Variants in BSDC1 observed in about 807,000 individuals in gnomAD.
The protein encoded by BSDC1 is BSD domain-containing protein 1.
In BSDC1, 29 loss-of-function variants were observed where a neutral mutation model predicts 56.0. The ratio of observed to expected loss-of-function variants is 0.52; its 90% CI spans 0.39 to 0.71. The LOEUF (loss-of-function observed/expected upper bound fraction) is 0.71. Ranked by LOEUF, BSDC1 falls within the 30% of genes least tolerant of loss-of-function variation. BSDC1 has a pLI of 0.00. For missense variants in BSDC1, 477 were observed against 548.5 expected (o/e 0.87, Z 1.30); for synonymous variants, 210 against 215.3 (o/e 0.98, Z 0.21).
chr1:32,367,250 C>T (rs1044826745), intron 10 of BSDC1: 3 of 985,344 alleles, frequency 3.0e-6, no homozygotes, highest in Admixed American at 6.1e-5. Flanking sequence ...TACTCTTGGC[C>T]TGCTGTCGGC....
intron 9 of BSDC1, among the ~76,000 whole-genome samples, chr1:32,372,946 C>T (rs1463525743): frequency 6.6e-6 from 1 of 152,206 alleles, no homozygotes; most frequent in Non-Finnish European, 1.5e-5. Context: ...AGAAAGAAGT[C>T]CAGTCTCTCA....
At chr1:32,370,803 CAAAAAAAAAAAAAAAAAA>C (rs58351365) in intron 9 of BSDC1, among the ~76,000 whole-genome samples, 1 of 50,124 alleles carries the variant, frequency 2.0e-5, no homozygotes, top group Non-Finnish European at 3.7e-5. Context: ...GACTCCGTCT[CAAAAAAAAAAAAAAAAAA>C]AAAAAAAAAA....
chr1:32,368,700 C>CTTTGTT, intron 9 of BSDC1, 150 bp from the exon 10 acceptor site: 1 of 960,082 alleles, frequency 1.0e-6, no homozygotes, highest in African/African-American at 1.7e-5. Flanking sequence ...ACCAATCGTA[C>CTTTGTT]TTTTTTTTTT....
intron 2 of BSDC1, among the ~76,000 whole-genome samples, chr1:32,388,063 C>T (rs1230152507): frequency 6.6e-6 from 1 of 152,216 alleles, no homozygotes; most frequent in African/African-American, 2.4e-5. Context: ...CTAGGTCTTG[C>T]CCTGTCTTGC....
Position 32,378,750 on chromosome 1 carries a change from A to G in BSDC1, c.502T>C (p.Ser168Pro). The part of the protein sequence containing the change: ...EISELLVGSP[S>P]IRALYTKMVP... ...ATCTTGGTGTAGAGGGCCCGGATGG[A>G]GGGGCTGCCTACAAGGAGCTCTGAG... Residue 168 changes from serine to proline, a missense_variant, in exon 6 of 11, where the codon TCC (serine) becomes CCC (proline). Coordinates refer to ENST00000455895, the MANE Select transcript of BSDC1 (RefSeq NM_018045.8). The surrounding 1 kb of genome is among the most constrained non-coding windows in gnomAD (Gnocchi z 5.2). 6.5e-7 allele frequency: 1 copy of G among 1,534,426 alleles called. No homozygotes were observed. Among genetic ancestry groups the G allele is most frequent in the Non-Finnish European group, 8.8e-7 (1 of 1,138,906 alleles).
At chr1:32,388,591 T>C (rs1329012859) in intron 2 of BSDC1, among the ~76,000 whole-genome samples, 1 of 152,192 alleles carries the variant, frequency 6.6e-6, no homozygotes, top group Non-Finnish European at 1.5e-5. Flanking sequence ...TCTTTAAGTT[T>C]ACACACTATC....
chr1:32,367,804 T>A, intron 10 of BSDC1: 1 of 896,352 alleles, frequency 1.1e-6, no homozygotes, highest in Non-Finnish European at 1.3e-6. Flanking sequence ...TCTCAGGCAA[T>A]AGCCCTAAGG....
At chr1:32,386,960 G>T in intron 2 of BSDC1, 65 bp from the exon 3 acceptor site, 2 of 1,302,766 alleles carry the variant, frequency 1.5e-6, no homozygotes, top group Non-Finnish European at 2.2e-6. Context: ...CCTGTTCCCT[G>T]TGTTTCTTCA....
chr1:32,377,896 TCA>T, intron 8 of BSDC1, 72 bp downstream of exon 8: 1 of 1,436,504 alleles, frequency 7.0e-7, no homozygotes, highest in Non-Finnish European at 9.5e-7. Context: ...TCTCCAGGCT[TCA>T]GAGAGCATGG....
At chr1:32,379,790 G>A (rs1183248733) in intron 5 of BSDC1, among the ~76,000 whole-genome samples, 1 of 152,146 alleles carries the variant, frequency 6.6e-6, no homozygotes, top group Non-Finnish European at 1.5e-5. Flanking sequence ...TCCTCTTCAT[G>A]CCAACTGACT....
chr1:32,386,967 T>C, intron 2 of BSDC1, 72 bp from the exon 3 acceptor site: 1 of 1,192,526 alleles, frequency 8.4e-7, no homozygotes. Context: ...CCTGTGTTTC[T>C]TCAGTACCAG....
At chr1:32,379,540 G>T (rs1642412595) in intron 5 of BSDC1, among the ~76,000 whole-genome samples, 1 of 152,036 alleles carries the variant, frequency 6.6e-6, no homozygotes, top group Non-Finnish European at 1.5e-5. Flanking sequence ...CAACCTGGGG[G>T]CCATCCTATC....
At chr1:32,387,269 G>A (rs1383244943) in intron 2 of BSDC1, among the ~76,000 whole-genome samples, 3 of 152,006 alleles carry the variant, frequency 2.0e-5, no homozygotes, top group Non-Finnish European at 4.4e-5. Context: ...TGACTTTGAT[G>A]AATTGCTTTG....
intron 9 of BSDC1, among the ~76,000 whole-genome samples, chr1:32,373,083 GC>G (rs952389082): frequency 2.0e-5 from 3 of 152,208 alleles, no homozygotes; most frequent in Non-Finnish European, 2.9e-5. Flanking sequence ...CAGAGACCAA[GC>G]CTTATGTCAC....
Position 32,381,234 on chromosome 1 carries a change from G to A in BSDC1, c.392C>T (p.Thr131Ile). The A allele has an allele frequency of 6.2e-7, 1 of 1,613,806 alleles. No individual in the cohort carries two copies. The change falls in exon 5 of 11, where the codon ACC becomes ATC. Residue 131 changes from threonine (T) to isoleucine (I), a missense_variant. By Grantham distance (89) the Thr-to-Ile change is moderately conservative (BLOSUM62 -1). Transcript: ENST00000455895. ...RLYSLQSDPA[T>I]YCNEPDGPPE... ...CTCACCATCTGGTTCATTACAGTAG[G>A]TTGCTGGGTCCGACTGCAGGCTATA...
intron 5 of BSDC1, among the ~76,000 whole-genome samples, chr1:32,380,577 C>T (rs1474695236): frequency 2.0e-5 from 3 of 152,174 alleles, no homozygotes; most frequent in South Asian, 4.2e-4. Context: ...ACCCGGGAGG[C>T]GGAGGTTGCA....
At chr1:32,384,213 G>A (rs1036475784) in intron 3 of BSDC1, among the ~76,000 whole-genome samples, 3 of 152,186 alleles carry the variant, frequency 2.0e-5, no homozygotes, top group South Asian at 2.1e-4. Flanking sequence ...GTAGGCCTGT[G>A]TAGATCAGAG....
At position 32,394,435 on chromosome 1, in the gene BSDC1, A is replaced by G; in HGVS notation, c.-21T>C. 6.2e-7 allele frequency: 1 copy of G among 1,613,868 alleles called. No homozygotes were observed. Among genetic ancestry groups the G allele is most frequent in the East Asian group, 2.2e-5 (1 of 44,856 alleles). Reference sequence around the variant, plus strand: ...GCCATCTTGCCTGCATGACATCACCACTATTTACTGACCTTTGACTTCCGA... The same window carrying G: ...GCCATCTTGCCTGCATGACATCACCGCTATTTACTGACCTTTGACTTCCGA... On this transcript the variant is annotated 5_prime_UTR_variant, in exon 1 of 11. Coordinates refer to ENST00000455895, the MANE Select transcript of BSDC1 (RefSeq NM_018045.8).
rs940662502 is a variant in BSDC1 at position 32,368,110 on chromosome 1, A to T, written c.1260+337T>A. On this transcript the variant is annotated intron_variant, in intron 10 of 10. Transcript: ENST00000455895. ...TGGTCTTGAACTCCTCGCCTCAAGC[A>T]ATCCTCCCACCTTGGCCTCCCAAAG... 8 of 1,381,948 alleles carry T rather than the reference A, an allele frequency of 5.8e-6. No individual in the cohort carries two copies. In the Admixed American group the frequency reaches 2.0e-4, roughly 34 times the overall value. 85.6% of individuals were successfully genotyped at this position (1,381,948 alleles called of 1,614,324 possible).
Sources: gnomAD v4.1 joint callset for allele counts (sites outside exome capture counted in the v4.1 genomes callset) on GRCh38, gnomAD v4.1.1 for gene constraint, Gnocchi (gnomAD v3.1) non-coding constraint, MANE v1.5 for transcripts, NCBI Gene and HGNC (gene_info 2026-07-23, HGNC 2026-07-21) for gene names.